The following DPP6 variants were observed in gnomAD, a reference collection of about 807,000 sequenced individuals.
DPP6 encodes the protein A-type potassium channel modulatory protein DPP6.
In DPP6, 69 loss-of-function variants were observed where a neutral mutation model predicts 122.6. The observed-to-expected ratio is 0.56, with a 90% CI of 0.46 to 0.69. DPP6 has a LOEUF of 0.69. Ranked by LOEUF, DPP6 falls within the 30% of genes least tolerant of loss-of-function variation. The pLI is 0.00. For missense variants in DPP6, 928 were observed against 1,116.9 expected, an observed-to-expected ratio of 0.83 and a Z score of 2.41; for synonymous variants, 418 against 433.1, an observed-to-expected ratio of 0.97 and a Z score of 0.43.
the DPP6 span, among the ~76,000 whole-genome samples, chr7:153,835,745 A>C: frequency 0.18 from 27,561 of 152,018 alleles, 2,978 homozygotes; most frequent in African/African-American, 0.31. Context: ...ACATCATCCA[A>C]CGATTGGTTT....
At chr7:153,974,404 CTTAT>C (rs1429694789) in intron 1 of DPP6, among the ~76,000 whole-genome samples, 2 of 152,046 alleles carry the variant, frequency 1.3e-5, no homozygotes, top group Non-Finnish European at 2.9e-5. Context: ...TTTAAATGTA[CTTAT>C]TTATTTGTGA....
intron 1 of DPP6, among the ~76,000 whole-genome samples, chr7:154,198,843 C>A (rs1479718560): frequency 6.6e-6 from 1 of 152,078 alleles, no homozygotes; most frequent in Non-Finnish European, 1.5e-5. Context: ...TGGATGAGGG[C>A]CTGACGAGGG....
intron 8 of DPP6, among the ~76,000 whole-genome samples, chr7:154,764,560 A>T (rs1306822169): frequency 1.3e-5 from 2 of 152,132 alleles, no homozygotes; most frequent in African/African-American, 4.8e-5. Context: ...TGGTTCTTTT[A>T]CTAAAAAGAG....
chr7:154,386,442 A>G (rs1210512518), intron 1 of DPP6, among the ~76,000 whole-genome samples: 1 of 152,008 alleles, frequency 6.6e-6, no homozygotes, highest in Non-Finnish European at 1.5e-5. Flanking sequence ...GGGGTGTGCA[A>G]GAGGGGGCAT....
intron 7 of DPP6, among the ~76,000 whole-genome samples, chr7:154,680,647 CT>C (rs933237201): frequency 1.3e-5 from 2 of 151,662 alleles, no homozygotes; most frequent in Admixed American, 6.6e-5. Flanking sequence ...TTTTTTCCCC[CT>C]TCTAAAACTT....
intron 10 of DPP6, among the ~76,000 whole-genome samples, chr7:154,777,266 G>C (rs948464304): frequency 1.3e-5 from 2 of 152,178 alleles, no homozygotes; most frequent in African/African-American, 4.8e-5. Context: ...AGGAGCAGAG[G>C]TGCCCCTTGT....
intron 1 of DPP6, among the ~76,000 whole-genome samples, chr7:154,113,008 A>G (rs1806706008): frequency 6.6e-6 from 1 of 152,212 alleles, no homozygotes; most frequent in South Asian, 2.1e-4. Flanking sequence ...TTCACTTACC[A>G]TAACATCCTG....
chr7:154,441,200 C>T (rs943302677), intron 1 of DPP6, among the ~76,000 whole-genome samples: 1 of 152,128 alleles, frequency 6.6e-6, no homozygotes, highest in African/African-American at 2.4e-5. Context: ...CTCATTAAAG[C>T]TCAGGATGCA....
chr7:154,145,675 A>T (rs1419966972), intron 1 of DPP6, among the ~76,000 whole-genome samples: 1 of 123,520 alleles, frequency 8.1e-6, no homozygotes, highest in Non-Finnish European at 1.7e-5. Context: ...GGCATCGCAG[A>T]CAGCGGTTTG....
At chr7:154,094,850 A>C (rs2628796) in intron 1 of DPP6, 1 of 152,100 alleles carries the variant, frequency 6.6e-6, no homozygotes, top group Admixed American at 6.6e-5. Context: ...GTAGGTTCTC[A>C]CATGTTTCCA....
intron 1 of DPP6, among the ~76,000 whole-genome samples, chr7:154,203,881 C>T (rs769997940): frequency 6.6e-6 from 1 of 152,118 alleles, no homozygotes; most frequent in Non-Finnish European, 1.5e-5. Context: ...AAGATAGAGG[C>T]AGTAACATCT....
At chr7:154,064,331 A>T (rs1184149895) in intron 1 of DPP6, among the ~76,000 whole-genome samples, 1 of 152,130 alleles carries the variant, frequency 6.6e-6, no homozygotes, top group African/African-American at 2.4e-5. Flanking sequence ...CCTTTTGCAC[A>T]TCAGCAAGCT....
chr7:154,020,058 G>C (rs530707877), intron 1 of DPP6, among the ~76,000 whole-genome samples: 40 of 152,232 alleles, frequency 2.6e-4, no homozygotes, highest in Admixed American at 1.6e-3. Flanking sequence ...GTGTACAGCA[G>C]AGCTGACAGC....
At chr7:153,829,825 C>T in the DPP6 span, among the ~76,000 whole-genome samples, 3 of 152,240 alleles carry the variant, frequency 2.0e-5, no homozygotes, top group East Asian at 3.9e-4. Context: ...TCAGATTGAC[C>T]GATTGTTTCG....
At chr7:154,581,307 G>A (rs971043349) in intron 5 of DPP6, among the ~76,000 whole-genome samples, 4 of 152,268 alleles carry the variant, frequency 2.6e-5, no homozygotes, top group East Asian at 1.9e-4. Context: ...GAGATGGAAC[G>A]GACTGGCAGA....
intron 1 of DPP6, chr7:154,095,398 A>G (rs888767008): frequency 7.1e-6 from 1 of 140,936 alleles, no homozygotes; most frequent in Admixed American, 7.3e-5. Flanking sequence ...CAAAGTCTAA[A>G]TTAAAAGAAC....
intron 2 of DPP6, among the ~76,000 whole-genome samples, chr7:154,464,858 G>C (rs1028672131): frequency 1.3e-5 from 2 of 152,190 alleles, no homozygotes; most frequent in Admixed American, 6.5e-5. Flanking sequence ...TATCTACAGA[G>C]TATCCATTCC....
At chr7:154,819,152 C>T (rs935368204) in intron 16 of DPP6, among the ~76,000 whole-genome samples, 17 of 152,302 alleles carry the variant, frequency 1.1e-4, no homozygotes, top group African/African-American at 3.8e-4. Flanking sequence ...TGGTGACTCA[C>T]GCCTGTAATG....
intron 1 of DPP6, among the ~76,000 whole-genome samples, chr7:154,429,958 T>A (rs1818223045): frequency 6.6e-6 from 1 of 152,174 alleles, no homozygotes. Flanking sequence ...GTTTCTGGAA[T>A]ACAGGCCATC....
Sources: gnomAD v4.1 joint callset for allele counts (sites outside exome capture counted in the v4.1 genomes callset) on GRCh38, gnomAD v4.1.1 for gene constraint, MANE v1.5 for transcripts, NCBI Gene and HGNC (gene_info 2026-07-23, HGNC 2026-07-21) for gene names.